RARB: variants seen among roughly 807,000 people sequenced by gnomAD.
The protein encoded by RARB is retinoic acid receptor beta.
RARB carries 17 observed loss-of-function variants against 51.9 expected under a neutral mutation model. That is an observed-to-expected ratio of 0.33 (90% CI 0.22 to 0.49). The LOEUF (loss-of-function observed/expected upper bound fraction) is 0.49, where lower values mean the gene tolerates loss of function less well. Among genes scored for constraint, RARB ranks in the 20% least tolerant of loss-of-function variants. The pLI is 0.99. For missense variants in RARB, 369 were observed against 550.8 expected (o/e 0.67, Z 3.30); for synonymous variants, 215 against 195.4 (o/e 1.10, Z -0.84).
chr3:25,011,979 G>A (rs1433012574), intron 2 of RARB, among the ~76,000 whole-genome samples: 1 of 152,052 alleles, frequency 6.6e-6, no homozygotes, highest in Non-Finnish European at 1.5e-5. Flanking sequence ...TATTAACAGG[G>A]CAGACAGGAC....
intron 5 of RARB, among the ~76,000 whole-genome samples, chr3:25,306,231 C>T (rs1362750925): frequency 1.3e-5 from 2 of 152,152 alleles, no homozygotes; most frequent in African/African-American, 4.8e-5. Flanking sequence ...CCCAGGAAGG[C>T]CTGGTATTCC....
intron 2 of RARB, among the ~76,000 whole-genome samples, chr3:24,919,367 A>C (rs1575071832): frequency 6.6e-6 from 1 of 152,216 alleles, no homozygotes. Context: ...AGTGAACTAT[A>C]ACCGAAATGC....
At chr3:24,956,814 G>T (rs543802342) in intron 2 of RARB, among the ~76,000 whole-genome samples, 1 of 152,104 alleles carries the variant, frequency 6.6e-6, no homozygotes, top group African/African-American at 2.4e-5. Context: ...CAGACTGTCC[G>T]CTAGATATTT....
chr3:25,211,655 C>T (rs865982438), intron 5 of RARB, among the ~76,000 whole-genome samples: 3 of 152,066 alleles, frequency 2.0e-5, no homozygotes, highest in African/African-American at 7.2e-5. Flanking sequence ...GATTGACAAA[C>T]TTTTTTTTAT....
At chr3:25,381,216 G>A (rs1706614988) in intron 5 of RARB, among the ~76,000 whole-genome samples, 1 of 152,186 alleles carries the variant, frequency 6.6e-6, no homozygotes, top group African/African-American at 2.4e-5. Flanking sequence ...ACAGCCTTGA[G>A]GTTGTTAACA....
rs1701145290 is a variant in RARB, at chr3:25,193,128, G to A, written c.178+18553G>A. 2.0e-5 allele frequency among the ~76,000 whole-genome samples: 3 copies of A among 152,080 alleles called. 1 individual carries two copies. Among genetic ancestry groups the A allele is most frequent in the Non-Finnish European group, 4.4e-5 (3 of 67,986 alleles). ...AACATTCCAAGCAATGGAAAAGCAT[G>A]TAATCACTTGTCCCATCAACCTCCT... On this transcript the variant is annotated intron_variant, in intron 5 of 11. Transcript: ENST00000383772.
chr3:25,377,720 A>C (rs1210986141), intron 5 of RARB, among the ~76,000 whole-genome samples: 3 of 152,200 alleles, frequency 2.0e-5, no homozygotes, highest in Admixed American at 2.0e-4. Flanking sequence ...CCTAGATCAG[A>C]AAATTCAAGC....
chr3:25,449,166 G>A (rs1346388711), intron 1 of RARB, among the ~76,000 whole-genome samples: 1 of 152,106 alleles, frequency 6.6e-6, no homozygotes, highest in East Asian at 1.9e-4. Context: ...TTTGGCCTGA[G>A]TGACTGCTCC....
At chr3:24,921,997 C>T (rs138961394) in intron 2 of RARB, among the ~76,000 whole-genome samples, 235 of 152,260 alleles carry the variant, frequency 1.5e-3, no homozygotes, top group African/African-American at 5.3e-3. Context: ...GTCCTAGGGC[C>T]AAGGATGCAG....
intron 5 of RARB, among the ~76,000 whole-genome samples, chr3:25,257,876 C>G (rs779601591): frequency 5.9e-5 from 9 of 152,240 alleles, no homozygotes; most frequent in Non-Finnish European, 1.0e-4. Context: ...CTGAAAAACT[C>G]AACCTTTCTC....
At chr3:25,510,074 C>A (rs1274957387) in intron 3 of RARB, among the ~76,000 whole-genome samples, 2 of 152,186 alleles carry the variant, frequency 1.3e-5, no homozygotes, top group Non-Finnish European at 2.9e-5. Context: ...TTACTAATGG[C>A]AACAGCCCCA....
intron 5 of RARB, among the ~76,000 whole-genome samples, chr3:25,376,580 G>C (rs1413559657): frequency 1.3e-5 from 2 of 152,184 alleles, no homozygotes; most frequent in African/African-American, 4.8e-5. Context: ...GCTGACAGAT[G>C]TGTAAAAGTG....
At chr3:25,087,645 T>A (rs1189244978) in intron 3 of RARB, among the ~76,000 whole-genome samples, 1 of 152,110 alleles carries the variant, frequency 6.6e-6, no homozygotes. Context: ...AAAAGCTCAG[T>A]AGTGTTATAA....
intron 1 of RARB, among the ~76,000 whole-genome samples, chr3:25,438,550 C>G (rs1350031300): frequency 1.3e-5 from 2 of 152,086 alleles, no homozygotes; most frequent in Non-Finnish European, 2.9e-5. Context: ...TCCTCACAAC[C>G]CTATAAGTGA....
intron 4 of RARB, among the ~76,000 whole-genome samples, chr3:25,134,856 C>G (rs1875061): frequency 1.3e-5 from 2 of 152,104 alleles, no homozygotes; most frequent in South Asian, 4.1e-4. Flanking sequence ...AATCGTGAAA[C>G]GAGCATCACA....
At chr3:25,220,282 G>C (rs958029762) in intron 5 of RARB, among the ~76,000 whole-genome samples, 6 of 152,132 alleles carry the variant, frequency 3.9e-5, no homozygotes, top group Non-Finnish European at 8.8e-5. Context: ...CAATTTTTCT[G>C]TATGTAGGAA....
At chr3:25,205,992 C>G (rs908838344) in intron 5 of RARB, among the ~76,000 whole-genome samples, 6 of 152,080 alleles carry the variant, frequency 3.9e-5, no homozygotes, top group African/African-American at 1.4e-4. Context: ...TCTAAGTGTT[C>G]CAAGCATGTT....
At chr3:25,099,504 T>C (rs900792718) in intron 3 of RARB, among the ~76,000 whole-genome samples, 6 of 152,006 alleles carry the variant, frequency 3.9e-5, no homozygotes, top group Non-Finnish European at 1.5e-5. Context: ...AAGATTAAGA[T>C]GCATATGTAT....
chr3:24,961,148 T>C (rs990144613), intron 2 of RARB, among the ~76,000 whole-genome samples: 3 of 152,240 alleles, frequency 2.0e-5, no homozygotes, highest in Non-Finnish European at 4.4e-5. Context: ...TAATTATTAA[T>C]GATAAATAGG....
Sources: gnomAD v4.1 joint callset for allele counts (sites outside exome capture counted in the v4.1 genomes callset) on GRCh38, gnomAD v4.1.1 for gene constraint, MANE v1.5 for transcripts, NCBI Gene and HGNC (gene_info 2026-07-23, HGNC 2026-07-21) for gene names.